The following MBD5 variants were observed in gnomAD, a reference collection of about 807,000 sequenced individuals.
The protein encoded by MBD5 is methyl-CpG binding domain protein 5, also known as methyl-CpG-binding domain protein 5.
In MBD5, 13 loss-of-function variants were observed where a neutral mutation model predicts 117.3. The observed-to-expected ratio is 0.11, with a 90% CI of 0.07 to 0.18. MBD5 has a LOEUF of 0.18. Among genes scored for constraint, MBD5 ranks in the 10% least tolerant of loss-of-function variants. The probability of loss-of-function intolerance (pLI) is 1.00; values close to 1 mark genes in which losing one functional copy is unlikely to be tolerated. For synonymous variants in MBD5, 727 were observed against 766.4 expected, an observed-to-expected ratio of 0.95 and a Z score of 0.85; for missense variants, 1,879 against 2,093.8, an observed-to-expected ratio of 0.90 and a Z score of 2.00.
intron 1 of MBD5, among the ~76,000 whole-genome samples, chr2:148,137,380 A>G (rs1314861385): frequency 1.3e-5 from 2 of 152,050 alleles, no homozygotes; most frequent in East Asian, 1.9e-4. Flanking sequence ...TGTCTATACT[A>G]TCCTTTGCAC....
intron 1 of MBD5, among the ~76,000 whole-genome samples, chr2:148,097,723 T>TA (rs1696106045): frequency 1.3e-5 from 2 of 152,162 alleles, no homozygotes; most frequent in South Asian, 4.1e-4. Flanking sequence ...ATTTGGTAAA[T>TA]ACCAACTCTG....
chr2:148,078,503 C>G (rs114004058), intron 1 of MBD5, among the ~76,000 whole-genome samples: 3,980 of 152,204 alleles, frequency 0.026, 101 homozygotes, highest in African/African-American at 0.067. Context: ...TTGACTGTTA[C>G]CATATGTAAT....
Position 148,425,704 on chromosome 2 carries a change from C to A in MBD5, c.-556-32499C>A, listed in dbSNP as rs994252229. ...TTATCCACCACGATCAGGTCAGCTT[C>A]ATCGCAGGGATGCAAGGCTGGTTCA... is the stretch of plus-strand genomic sequence containing the variant. On this transcript the variant is annotated intron_variant, in intron 4 of 13. Transcript: ENST00000642680. 4.6e-5 allele frequency among the ~76,000 whole-genome samples: 7 copies of A among 152,236 alleles called. No homozygotes were observed. The East Asian group carries it at 1.3e-3, about 29-fold the overall frequency.
At chr2:148,254,053 A>G (rs1203540364) in intron 3 of MBD5, among the ~76,000 whole-genome samples, 2 of 152,176 alleles carry the variant, frequency 1.3e-5, no homozygotes, top group Admixed American at 1.3e-4. Context: ...TCCTGAATCC[A>G]TAACTCACAA....
intron 3 of MBD5, among the ~76,000 whole-genome samples, chr2:148,253,167 C>A (rs1700505461): frequency 6.6e-6 from 1 of 152,100 alleles, no homozygotes; most frequent in Non-Finnish European, 1.5e-5. Flanking sequence ...GCAGAGGGAA[C>A]TCTACTAGGA....
At chr2:148,307,973 A>G (rs1701933998) in intron 3 of MBD5, among the ~76,000 whole-genome samples, 1 of 151,998 alleles carries the variant, frequency 6.6e-6, no homozygotes, top group Non-Finnish European at 1.5e-5. Flanking sequence ...ACATTAACTC[A>G]CTTTTTTTTA....
chr2:148,294,365 CAG>C (rs1701583896), intron 3 of MBD5, among the ~76,000 whole-genome samples: 2 of 151,172 alleles, frequency 1.3e-5, no homozygotes, highest in Non-Finnish European at 2.9e-5. Flanking sequence ...GCTGGGACTA[CAG>C]GTGCCCGCCA....
chr2:148,085,107 T>A (rs1695744195), intron 1 of MBD5, among the ~76,000 whole-genome samples: 1 of 152,184 alleles, frequency 6.6e-6, no homozygotes, highest in Non-Finnish European at 1.5e-5. Context: ...CAGCAGGTTA[T>A]GCCCACTGAA....
intron 1 of MBD5, among the ~76,000 whole-genome samples, chr2:148,139,099 T>A (rs1270272351): frequency 6.6e-6 from 1 of 152,222 alleles, no homozygotes; most frequent in African/African-American, 2.4e-5. Context: ...TTGAAACTAT[T>A]TTTATGCCCT....
intron 1 of MBD5, among the ~76,000 whole-genome samples, chr2:148,069,016 A>G (rs1322858823): frequency 6.6e-6 from 1 of 152,198 alleles, no homozygotes; most frequent in Non-Finnish European, 1.5e-5. Context: ...GTAGTACAGG[A>G]TTCATTCATT....
At chr2:148,255,035 T>G (rs748867072) in intron 3 of MBD5, among the ~76,000 whole-genome samples, 1 of 152,222 alleles carries the variant, frequency 6.6e-6, no homozygotes, top group South Asian at 2.1e-4. Context: ...GCACAGCTGC[T>G]GCTGGAAGGG....
chr2:148,434,951 G>A (rs1237908774), intron 4 of MBD5, among the ~76,000 whole-genome samples: 2 of 152,106 alleles, frequency 1.3e-5, no homozygotes, highest in Non-Finnish European at 2.9e-5. Flanking sequence ...TATATTTAGA[G>A]AGTTAGGTCT....
rs1271911745 is a variant in MBD5 at position 148,374,721 on chromosome 2, T to C, written c.-557+32385T>C. On this transcript the variant is annotated intron_variant, in intron 4 of 13. Transcript: ENST00000642680. ...CTGGGATATTACAGAAGATGATCGC[T>C]CAGGCAGACGTGCAAATTGGTACAA... is the stretch of plus-strand genomic sequence containing the variant. 2.6e-5 allele frequency among the ~76,000 whole-genome samples: 4 copies of C among 152,244 alleles called. No individual in the cohort carries two copies. The East Asian group carries it at 7.7e-4, about 29-fold the overall frequency.
intron 1 of MBD5, among the ~76,000 whole-genome samples, chr2:148,037,734 T>C (rs1694234617): frequency 1.3e-5 from 2 of 152,016 alleles, no homozygotes; most frequent in African/African-American, 4.8e-5. Context: ...GCTCAGGTTT[T>C]TCATAGTGAT....
chr2:148,430,259 A>G (rs1433446612), intron 4 of MBD5, among the ~76,000 whole-genome samples: 1 of 152,104 alleles, frequency 6.6e-6, no homozygotes. Context: ...TGAACAATCT[A>G]TTATCTTCAT....
chr2:148,257,197 G>A lies in MBD5; in HGVS notation c.-680+23802G>A, dbSNP rs183722046. Among the ~76,000 whole-genome samples the A allele has an allele frequency of 7.4e-4, 112 of 152,338 alleles. 1 individual carries two copies. Among genetic ancestry groups the A allele is most frequent in the South Asian group, 1.9e-3 (9 of 4,830 alleles). On this transcript the variant is annotated intron_variant, in intron 3 of 13. Coordinates refer to ENST00000642680, the MANE Select transcript of MBD5 (RefSeq NM_001378120.1). Reference sequence around the variant, plus strand: ...CAAACAAAACCATCTGTGTTCATCTGTGGTCACATGCACATCCAGCTCAAA... The same window carrying A: ...CAAACAAAACCATCTGTGTTCATCTATGGTCACATGCACATCCAGCTCAAA...
intron 12 of MBD5, among the ~76,000 whole-genome samples, chr2:148,503,552 A>G (rs1559105957): frequency 6.6e-6 from 1 of 152,224 alleles, no homozygotes; most frequent in African/African-American, 2.4e-5. Context: ...TTAGAAGTCA[A>G]CAAATCTTAG....
At chr2:148,421,732 C>T (rs1261790570) in intron 4 of MBD5, among the ~76,000 whole-genome samples, 1 of 152,122 alleles carries the variant, frequency 6.6e-6, no homozygotes, top group Non-Finnish European at 1.5e-5. Context: ...CTGGGACACT[C>T]GAGCTTGGTG....
intron 11 of MBD5, among the ~76,000 whole-genome samples, chr2:148,501,592 GT>G (rs1253686401): frequency 3.3e-5 from 5 of 152,072 alleles, no homozygotes; most frequent in African/African-American, 1.2e-4. Context: ...CCTAATTATT[GT>G]TTTTATTGTG....
Sources: allele counts gnomAD v4.1 joint callset (sites outside exome capture counted in the v4.1 genomes callset), GRCh38; gene constraint gnomAD v4.1.1; transcripts MANE v1.5; gene names NCBI Gene and HGNC (gene_info 2026-07-23, HGNC 2026-07-21).